The following PRKCB variants were observed in gnomAD, a reference collection of about 807,000 sequenced individuals.
The protein encoded by PRKCB is protein kinase C beta, also known as protein kinase C beta type.
In PRKCB, 13 loss-of-function variants were observed where a neutral mutation model predicts 81.5. That is an observed-to-expected ratio of 0.16 (90% confidence interval 0.10 to 0.25). PRKCB has a LOEUF of 0.25. Ranked by LOEUF, PRKCB falls within the 10% of genes least tolerant of loss-of-function variation. The pLI is 1.00. For missense variants in PRKCB, 509 were observed against 875.7 expected (o/e 0.58, Z 5.29); for synonymous variants, 335 against 321.4 (o/e 1.04, Z -0.45).
chr16:24,001,380 ACTAATGTTGAC>A (rs1311828770), intron 3 of PRKCB, among the ~76,000 whole-genome samples: 2 of 152,220 alleles, frequency 1.3e-5, no homozygotes, highest in Admixed American at 1.3e-4. Context: ...GATGGTAGAC[ACTAATGTTGAC>A]CTTATCCTTT....
At chr16:24,058,114 T>G (rs1965927666) in intron 5 of PRKCB, among the ~76,000 whole-genome samples, 2 of 152,148 alleles carry the variant, frequency 1.3e-5, no homozygotes, top group South Asian at 4.1e-4. Flanking sequence ...TGCTCTTCCC[T>G]CAGCTTGGGT....
chr16:23,914,422 T>G (rs555825411), intron 2 of PRKCB, among the ~76,000 whole-genome samples: 1 of 152,316 alleles, frequency 6.6e-6, no homozygotes, highest in East Asian at 1.9e-4. Flanking sequence ...CACAGCATCA[T>G]AAGTCACTGT....
chr16:23,936,108 T>C (rs1964054194), intron 2 of PRKCB, among the ~76,000 whole-genome samples: 1 of 152,166 alleles, frequency 6.6e-6, no homozygotes, highest in African/African-American at 2.4e-5. Context: ...CACCCCCTTC[T>C]CTGGATATCT....
At chr16:24,002,349 G>A (rs1965049317) in intron 3 of PRKCB, among the ~76,000 whole-genome samples, 2 of 151,820 alleles carry the variant, frequency 1.3e-5, no homozygotes, top group Admixed American at 1.3e-4. Context: ...GTGCGTGCGT[G>A]CGTGTGTGTG....
chr16:23,905,708 A>G (rs1963548888), intron 2 of PRKCB, among the ~76,000 whole-genome samples: 1 of 152,224 alleles, frequency 6.6e-6, no homozygotes, highest in Non-Finnish European at 1.5e-5. Flanking sequence ...TACTCCTGGT[A>G]GAATTCCCAT....
rs1397149880 is a variant in PRKCB, at chr16:24,035,537, C to T, written c.519C>T (p.Leu173=). ...AGGCCCACATCGACAGGGACGTCCTCATTGTCCTCGGTAGGTGGCCCTGGG... is the reference window on the plus strand; with the variant it reads ...AGGCCCACATCGACAGGGACGTCCTTATTGTCCTCGGTAGGTGGCCCTGGG... The part of the protein sequence containing the change: ...YIQAHIDRDV[L]IVLVRDAKNL... The change falls in exon 5 of 17, where the codon CTC becomes CTT. Residue 173 remains leucine, a synonymous_variant. Transcript: ENST00000643927. 3 of 1,612,838 alleles carry T rather than the reference C, an allele frequency of 1.9e-6. No individual in the cohort carries two copies. The East Asian group carries it at 6.7e-5, about 36-fold the overall frequency.
At chr16:24,141,414 T>C (rs1281990949) in intron 9 of PRKCB, among the ~76,000 whole-genome samples, 1 of 152,182 alleles carries the variant, frequency 6.6e-6, no homozygotes, top group African/African-American at 2.4e-5. Context: ...AAGGCTGGTC[T>C]CGAACTCCTG....
At position 23,908,436 on chromosome 16, in the gene PRKCB, G is replaced by C. The variant is rs533483105; in HGVS notation, c.205+71030G>C. On this transcript the variant is annotated intron_variant, in intron 2 of 16. Transcript: ENST00000643927. ...TGGCACCACCTGAGCGTCCTCCCCA[G>C]GTGCGGCTCTAACACAGGTGCAGGT... Among the ~76,000 whole-genome samples the C allele has an allele frequency of 6.6e-5, 10 of 152,304 alleles. No homozygotes were observed. In the South Asian group the frequency reaches 1.9e-3, roughly 28 times the overall value.
At chr16:23,871,906 G>C (rs971032607) in intron 2 of PRKCB, among the ~76,000 whole-genome samples, 1 of 147,510 alleles carries the variant, frequency 6.8e-6, no homozygotes, top group Admixed American at 6.8e-5. Context: ...ATCTGTAACT[G>C]TTTAAAATAT....
rs914744032 is a variant in PRKCB at position 24,123,017 on chromosome 16, A to G, written c.919-818A>G. Among the ~76,000 whole-genome samples the G allele has an allele frequency of 3.3e-5, 5 of 152,348 alleles. No individual in the cohort carries two copies. In the South Asian group the frequency reaches 8.3e-4, roughly 25 times the overall value. ...AACTATACTAGTTGTCAGGAAAACC[A>G]TGGAGAATGAGAAATATTCCGTGTC... is the stretch of plus-strand genomic sequence containing the variant. On this transcript the variant is annotated intron_variant, in intron 8 of 16. Coordinates refer to ENST00000643927, the MANE Select transcript of PRKCB (RefSeq NM_002738.7).
chr16:24,132,534 G>T (rs1178817932), intron 9 of PRKCB, among the ~76,000 whole-genome samples: 2 of 152,162 alleles, frequency 1.3e-5, no homozygotes, highest in African/African-American at 4.8e-5. Context: ...TGATGGTGAC[G>T]ACGAAGATGA....
chr16:23,909,097 C>A (rs1376466082), intron 2 of PRKCB, among the ~76,000 whole-genome samples: 1 of 152,232 alleles, frequency 6.6e-6, no homozygotes, highest in Non-Finnish European at 1.5e-5. Context: ...ATCTGTACTG[C>A]AAACCTGATA....
intron 5 of PRKCB, among the ~76,000 whole-genome samples, chr16:24,053,884 A>C (rs949814854): frequency 6.6e-6 from 1 of 152,216 alleles, no homozygotes; most frequent in Non-Finnish European, 1.5e-5. Context: ...GCTGAGGGCT[A>C]TGTGATTCTT....
At chr16:24,128,625 T>C (rs2141933176) in intron 9 of PRKCB, among the ~76,000 whole-genome samples, 1 of 152,364 alleles carries the variant, frequency 6.6e-6, no homozygotes, top group East Asian at 1.9e-4. Flanking sequence ...TTGGCATGGC[T>C]GGCTTACTCG....
At chr16:24,170,870 C>A (rs2141965124) in intron 10 of PRKCB, among the ~76,000 whole-genome samples, 1 of 152,356 alleles carries the variant, frequency 6.6e-6, no homozygotes, top group South Asian at 2.1e-4. Context: ...CTTACACAGC[C>A]AACAAGGGCA....
At chr16:23,939,996 T>C (rs1964117934) in intron 2 of PRKCB, among the ~76,000 whole-genome samples, 2 of 152,106 alleles carry the variant, frequency 1.3e-5, no homozygotes, top group African/African-American at 4.8e-5. Context: ...CCCTCAAGTT[T>C]CAGCTGTAAG....
chr16:23,987,188 A>G lies in PRKCB; in HGVS notation c.206-1320A>G, dbSNP rs987035572. On this transcript the variant is annotated intron_variant, in intron 2 of 16. Coordinates refer to ENST00000643927, the MANE Select transcript of PRKCB (RefSeq NM_002738.7). The stretch of plus-strand genomic sequence containing the variant: ...CAGCAAACCACCATGGCACATGTAT[A>G]CCTGTGTAACAAACCTGAATGTTCT... 5.3e-5 allele frequency among the ~76,000 whole-genome samples: 8 copies of G among 152,220 alleles called. No homozygotes were observed. In the East Asian group the frequency reaches 1.5e-3, roughly 29 times the overall value.
intron 2 of PRKCB, among the ~76,000 whole-genome samples, chr16:23,887,373 G>A (rs933292): frequency 0.81 from 123,727 of 152,080 alleles, 50,408 homozygotes; most frequent in East Asian, 0.98. Context: ...CGAGTTCCCA[G>A]TGTCTGTTGT....
At chr16:24,091,587 G>A (rs1966377977) in intron 5 of PRKCB, among the ~76,000 whole-genome samples, 1 of 152,038 alleles carries the variant, frequency 6.6e-6, no homozygotes, top group Non-Finnish European at 1.5e-5. Flanking sequence ...CTTCACTGCT[G>A]ATTCCCTGCC....
Sources: gnomAD v4.1 joint callset for allele counts (sites outside exome capture counted in the v4.1 genomes callset) on GRCh38, gnomAD v4.1.1 for gene constraint, MANE v1.5 for transcripts, NCBI Gene and HGNC (gene_info 2026-07-23, HGNC 2026-07-21) for gene names.